UPP2: variants seen among roughly 807,000 people sequenced by gnomAD.
The protein encoded by UPP2 is UPase 2.
In UPP2, 23 loss-of-function variants were observed where a neutral mutation model predicts 26.7. The ratio of observed to expected loss-of-function variants is 0.86; its 90% CI spans 0.62 to 1.22. The LOEUF is 1.22. Ranked by LOEUF, UPP2 falls within the 50% of genes most tolerant of loss-of-function variation. The pLI is 0.00. For synonymous variants in UPP2, 127 were observed against 141.3 expected (o/e 0.90, Z 0.72); for missense variants, 387 against 396.7 (o/e 0.98, Z 0.21).
intron 3 of UPP2, among the ~76,000 whole-genome samples, chr2:158,037,345 A>G (rs887533660): frequency 6.6e-6 from 1 of 152,168 alleles, no homozygotes; most frequent in African/African-American, 2.4e-5. Context: ...ATTGCACTCC[A>G]GCCTGGGCAA....
intron 3 of UPP2, among the ~76,000 whole-genome samples, chr2:158,080,280 TA>T (rs1438619805): frequency 6.6e-6 from 1 of 152,180 alleles, no homozygotes; most frequent in African/African-American, 2.4e-5. Flanking sequence ...TAATTATTAT[TA>T]TTTCCATTTT....
At chr2:158,004,747 T>A (rs931146731) in intron 2 of UPP2, among the ~76,000 whole-genome samples, 2 of 152,244 alleles carry the variant, frequency 1.3e-5, no homozygotes, top group Non-Finnish European at 2.9e-5. Context: ...TGGTAACTTT[T>A]TTTAAAGTTT....
intron 2 of UPP2, among the ~76,000 whole-genome samples, chr2:158,012,456 C>T (rs988356644): frequency 2.0e-5 from 3 of 151,694 alleles, no homozygotes; most frequent in South Asian, 2.1e-4. Context: ...TTAGTAGAGA[C>T]GGGTTTTCAC....
chr2:158,068,137 C>T (rs1425296866), intron 3 of UPP2, among the ~76,000 whole-genome samples: 1 of 152,074 alleles, frequency 6.6e-6, no homozygotes, highest in African/African-American at 2.4e-5. Context: ...CATAGATTTC[C>T]CATTCTGGTG....
intron 6 of UPP2, among the ~76,000 whole-genome samples, chr2:158,133,415 A>G (rs1015949515): frequency 6.6e-6 from 1 of 152,176 alleles, no homozygotes; most frequent in African/African-American, 2.4e-5. Context: ...GCAAAATTTC[A>G]GTTACAAGGA....
chr2:158,119,689 A>G (rs1347214654), intron 4 of UPP2, among the ~76,000 whole-genome samples: 1 of 151,996 alleles, frequency 6.6e-6, no homozygotes, highest in Non-Finnish European at 1.5e-5. Flanking sequence ...ATTGTGAACA[A>G]TTCAAGGAGC....
intron 3 of UPP2, among the ~76,000 whole-genome samples, chr2:158,069,047 G>A (rs1450409796): frequency 4.0e-5 from 6 of 151,184 alleles, no homozygotes; most frequent in South Asian, 2.1e-4. Context: ...TCCTGACCTC[G>A]TGATCCGCCC....
intron 3 of UPP2, among the ~76,000 whole-genome samples, chr2:158,084,640 G>A (rs1682784100): frequency 6.6e-6 from 1 of 152,160 alleles, no homozygotes; most frequent in Non-Finnish European, 1.5e-5. Flanking sequence ...TCAGATTTAA[G>A]TATTTGATAC....
rs16842619 is a variant in UPP2, at chr2:158,121,140, A to C, written c.455-269A>C. ...CCTAATTTATTCAAATTTGAGCCCA[A>C]AGTCTGGCACTAATTTGCATGTCCA... is the stretch of plus-strand genomic sequence containing the variant. On this transcript the variant is annotated intron_variant, in intron 4 of 6. Transcript: ENST00000005756. Among the ~76,000 whole-genome samples the C allele has an allele frequency of 0.053, 7,979 of 151,976 alleles. 633 individuals carry two copies. Among genetic ancestry groups the C allele is most frequent in the African/African-American group, 0.17 (7,081 of 41,468 alleles).
At chr2:158,081,248 C>T (rs1682719310) in intron 3 of UPP2, among the ~76,000 whole-genome samples, 1 of 152,136 alleles carries the variant, frequency 6.6e-6, no homozygotes, top group South Asian at 2.1e-4. Flanking sequence ...ATTTCTAATG[C>T]TTAACAAAAA....
At chr2:158,120,664 G>C (rs185518338) in intron 4 of UPP2, among the ~76,000 whole-genome samples, 19 of 152,062 alleles carry the variant, frequency 1.2e-4, no homozygotes, top group Admixed American at 1.2e-3. Context: ...GTCAAAAGCT[G>C]GGTCAAAAAT....
At chr2:158,075,769 A>T (rs1682621176) in intron 3 of UPP2, among the ~76,000 whole-genome samples, 1 of 152,008 alleles carries the variant, frequency 6.6e-6, no homozygotes, top group African/African-American at 2.4e-5. Flanking sequence ...CTAATGATGC[A>T]TCTTAAAAAA....
Position 158,030,781 on chromosome 2 carries a change from G to T in UPP2, c.147+14895G>T, listed in dbSNP as rs201460566. On this transcript the variant is annotated intron_variant, in intron 3 of 9. Coordinates refer to the UPP2 transcript ENST00000605860. ...CCTTTTCATCCCACTTCTCTAAGAAGCCTTCAGTCATAGACCCAAGACCTA... is the reference window on the plus strand; with the variant it reads ...CCTTTTCATCCCACTTCTCTAAGAATCCTTCAGTCATAGACCCAAGACCTA... 8.5e-5 allele frequency among the ~76,000 whole-genome samples: 13 copies of T among 152,312 alleles called. No homozygotes were observed. The East Asian group carries it at 2.5e-3, about 29-fold the overall frequency.
At chr2:158,131,103 C>T (rs1683809369) in intron 6 of UPP2, among the ~76,000 whole-genome samples, 1 of 152,142 alleles carries the variant, frequency 6.6e-6, no homozygotes, top group Non-Finnish European at 1.5e-5. Flanking sequence ...CTTTACATAC[C>T]AGGCATATAG....
chr2:158,096,375 G>T (rs1264465594), intron 3 of UPP2, among the ~76,000 whole-genome samples: 4 of 152,200 alleles, frequency 2.6e-5, no homozygotes, highest in African/African-American at 9.6e-5. Flanking sequence ...AAGGCAGGCG[G>T]ATTACCTGAG....
At chr2:158,036,654 A>G (rs1056733741) in intron 3 of UPP2, among the ~76,000 whole-genome samples, 2 of 152,236 alleles carry the variant, frequency 1.3e-5, no homozygotes, top group Non-Finnish European at 2.9e-5. Flanking sequence ...AAAATCAATC[A>G]ATGATAGATT....
intron 3 of UPP2, among the ~76,000 whole-genome samples, chr2:158,071,544 C>T: frequency 1.2e-5 from 1 of 84,618 alleles, no homozygotes. Context: ...AAGCGAGATT[C>T]TGTCTCAAAA....
At chr2:157,996,109 G>A (rs1022012058) in intron 2 of UPP2, among the ~76,000 whole-genome samples, 4 of 152,078 alleles carry the variant, frequency 2.6e-5, no homozygotes, top group African/African-American at 7.2e-5. Flanking sequence ...TATCAACCAA[G>A]GTGCATACTT....
rs202061321 is a variant in UPP2, at chr2:158,012,039, C to CT, written c.62-3756dup. On this transcript the variant is annotated intron_variant, in intron 2 of 9. Transcript: ENST00000605860. ...TTCATCTACTTGACTCAGTGAGCAT[C>CT]TTTTTTATCCTTTGGGTATCTTCTC... Among the ~76,000 whole-genome samples, 23 of 152,226 alleles carry CT rather than the reference C, an allele frequency of 1.5e-4. No homozygotes were observed. In the East Asian group the frequency reaches 3.3e-3, roughly 22 times the overall value.
Sources: gnomAD v4.1 joint callset for allele counts (sites outside exome capture counted in the v4.1 genomes callset) on GRCh38, gnomAD v4.1.1 for gene constraint, MANE v1.5 for transcripts, NCBI Gene and HGNC (gene_info 2026-07-23, HGNC 2026-07-21) for gene names.